Variants in DIS3L2 observed in about 807,000 individuals in gnomAD.
The protein encoded by DIS3L2 is DIS3-like exonuclease 2.
Under a neutral mutation model 97.5 loss-of-function variants are expected in DIS3L2, and 34 were observed. The ratio of observed to expected loss-of-function variants is 0.35; its 90% confidence interval spans 0.27 to 0.46. DIS3L2 has a LOEUF of 0.46. DIS3L2 is among the 20% of genes least tolerant of loss of function. The pLI, the probability that DIS3L2 is intolerant of heterozygous loss-of-function variation, is 1.00. For synonymous variants in DIS3L2, 435 were observed against 445.2 expected (o/e 0.98, Z 0.29); for missense variants, 1,038 against 1,146.0 (o/e 0.91, Z 1.36).
chr2:232,326,838 A>T (rs990119940), intron 14 of DIS3L2, among the ~76,000 whole-genome samples: 2 of 152,002 alleles, frequency 1.3e-5, no homozygotes, highest in Non-Finnish European at 2.9e-5. Flanking sequence ...CCATAGCCTC[A>T]CCAGGCTTCA....
Position 232,336,548 on chromosome 2 carries a change from G to T in DIS3L2, c.2576G>T (p.Arg859Leu). Residue 859 changes from arginine (R) to leucine (L), a missense_variant, in exon 21 of 21, where the codon CGG (arginine) becomes CTG (leucine). Around this residue, in one of 3 missense-constraint regions of DIS3L2, gnomAD observed 221 missense variants for 246.9 expected, o/e 0.90. Coordinates refer to ENST00000325385, the MANE Select transcript of DIS3L2 (RefSeq NM_152383.5). ...CTCAAGTACAGCGCCATCCTGAAGC[G>T]GCCAGGCACCCAGGGCCACCTGGGC... ...TALKYSAILK[R>L]PGTQGHLGPE... 1 of 1,609,926 alleles carries T rather than the reference G, an allele frequency of 6.2e-7. No individual in the cohort carries two copies. The highest frequency in any genetic ancestry group is 8.5e-7 in the Non-Finnish European group (1 of 1,179,926).
intron 14 of DIS3L2, among the ~76,000 whole-genome samples, chr2:232,319,060 G>T (rs573547377): frequency 6.6e-6 from 1 of 152,362 alleles, no homozygotes; most frequent in East Asian, 1.9e-4. Flanking sequence ...ATACCCAGCA[G>T]GGAGGTGTGG....
intron 1 of DIS3L2, among the ~76,000 whole-genome samples, chr2:231,985,564 ATAAATGCTCATGAG>A (rs1693386882): frequency 6.6e-6 from 1 of 152,246 alleles, no homozygotes; most frequent in Admixed American, 6.5e-5. Context: ...TTTCTCTGGA[ATAAATGCTCATGAG>A]TGCATACACC....
In DIS3L2 at chr2:232,218,519, G is replaced by A. The variant is rs1310681931; in HGVS notation, c.1204+8114G>A. Among the ~76,000 whole-genome samples the A allele has an allele frequency of 2.0e-5, 3 of 152,140 alleles. No individual in the cohort carries two copies. The East Asian group carries it at 5.8e-4, about 29-fold the overall frequency. ...TCTTAGCACTTTGGGAGGCCGAGGT[G>A]GGAGGATCATTTGAGGCCAGGAGTT... On this transcript the variant is annotated intron_variant, in intron 10 of 20. Transcript: ENST00000325385.
At chr2:232,260,200 C>G (rs887168190) in intron 12 of DIS3L2, 1 of 152,302 alleles carries the variant, frequency 6.6e-6, no homozygotes, top group African/African-American at 2.4e-5. Flanking sequence ...CCAATGTAGA[C>G]GCACAGGAGG....
intron 5 of DIS3L2, among the ~76,000 whole-genome samples, chr2:232,049,022 G>A (rs913548510): frequency 5.3e-5 from 8 of 151,968 alleles, no homozygotes; most frequent in East Asian, 1.9e-4. Flanking sequence ...AGCTTTTTAC[G>A]TACCATAAAC....
At chr2:231,980,528 C>T (rs1693221827) in intron 1 of DIS3L2, among the ~76,000 whole-genome samples, 2 of 152,062 alleles carry the variant, frequency 1.3e-5, no homozygotes, top group South Asian at 2.1e-4. Flanking sequence ...GAAACCCCAT[C>T]TCTATTAAAA....
chr2:232,295,531 C>T (rs1694703728), intron 13 of DIS3L2, among the ~76,000 whole-genome samples: 1 of 152,178 alleles, frequency 6.6e-6, no homozygotes, highest in Admixed American at 6.5e-5. Context: ...TCTACTCCAC[C>T]ATCCATAGTG....
At chr2:232,323,690 G>GT (rs1016155392) in intron 14 of DIS3L2, among the ~76,000 whole-genome samples, 1 of 152,206 alleles carries the variant, frequency 6.6e-6, no homozygotes, top group African/African-American at 2.4e-5. Flanking sequence ...CATTCAGGAG[G>GT]TTGCAGTGCG....
chr2:231,973,115 C>G (rs1692970813), intron 1 of DIS3L2, among the ~76,000 whole-genome samples: 1 of 152,108 alleles, frequency 6.6e-6, no homozygotes, highest in Admixed American at 6.5e-5. Context: ...CTTAAATGTT[C>G]AGTGGAATTT....
At chr2:232,086,296 CAT>C (rs1242146972) in intron 5 of DIS3L2, among the ~76,000 whole-genome samples, 1 of 146,784 alleles carries the variant, frequency 6.8e-6, no homozygotes, top group Non-Finnish European at 1.5e-5. Context: ...TATATGTATA[CAT>C]ATATACATAT....
At chr2:232,285,801 G>A (rs983037684) in intron 13 of DIS3L2, among the ~76,000 whole-genome samples, 1 of 152,156 alleles carries the variant, frequency 6.6e-6, no homozygotes, top group African/African-American at 2.4e-5. Flanking sequence ...GGTTGCATGT[G>A]GAACCTGTGA....
chr2:232,220,112 AAAATAAATAAATAAAT>A (rs59785632), intron 10 of DIS3L2, among the ~76,000 whole-genome samples: 1,691 of 139,148 alleles, frequency 0.012, 30 homozygotes, highest in African/African-American at 0.031. Context: ...TCTCTACAGA[AAAATAAATAAATAAAT>A]AAATAAATAA....
At chr2:232,000,023 C>T (rs138691636) in intron 1 of DIS3L2, among the ~76,000 whole-genome samples, 1 of 152,074 alleles carries the variant, frequency 6.6e-6, no homozygotes, top group Non-Finnish European at 1.5e-5. Flanking sequence ...GGATTAGTTC[C>T]AGGACTCCTA....
chr2:231,975,086 T>C (rs1454637397), intron 1 of DIS3L2, among the ~76,000 whole-genome samples: 1 of 152,170 alleles, frequency 6.6e-6, no homozygotes, highest in Non-Finnish European at 1.5e-5. Flanking sequence ...TTGAACGGCA[T>C]TCAATTAAGG....
chr2:232,184,558 G>A (rs1691384129), intron 9 of DIS3L2, among the ~76,000 whole-genome samples: 1 of 152,136 alleles, frequency 6.6e-6, no homozygotes, highest in Non-Finnish European at 1.5e-5. Context: ...GCTGAGGTGA[G>A]ATAATCACTT....
chr2:231,998,894 A>G (rs1405716952), intron 1 of DIS3L2, among the ~76,000 whole-genome samples: 1 of 152,198 alleles, frequency 6.6e-6, no homozygotes, highest in East Asian at 1.9e-4. Context: ...TTTGATATTT[A>G]AATGATCATA....
intron 5 of DIS3L2, among the ~76,000 whole-genome samples, chr2:232,063,569 T>G (rs956155148): frequency 6.6e-6 from 1 of 152,228 alleles, no homozygotes; most frequent in Non-Finnish European, 1.5e-5. Context: ...TCTTGAACTT[T>G]TTAAACTATG....
chr2:232,133,543 A>T (rs1056477465), intron 7 of DIS3L2, among the ~76,000 whole-genome samples: 3 of 152,258 alleles, frequency 2.0e-5, no homozygotes, highest in Admixed American at 2.0e-4. Flanking sequence ...CACAACATGA[A>T]TGAGAAGACA....
Sources: allele counts gnomAD v4.1 joint callset (sites outside exome capture counted in the v4.1 genomes callset), GRCh38; gene constraint gnomAD v4.1.1; regional missense constraint gnomAD v4.1.1; transcripts MANE v1.5; gene names NCBI Gene and HGNC (gene_info 2026-07-23, HGNC 2026-07-21).